MINDY3: variants seen among roughly 807,000 people sequenced by gnomAD.
MINDY3 encodes the protein MINDY lysine 48 deubiquitinase 3.
In MINDY3, 38 loss-of-function variants were observed where a neutral mutation model predicts 69.2. The observed-to-expected ratio is 0.55, with a 90% CI of 0.42 to 0.72. MINDY3 has a LOEUF of 0.72. Ranked by LOEUF, MINDY3 falls within the 30% of genes least tolerant of loss-of-function variation. MINDY3 has a pLI of 0.00. For synonymous variants in MINDY3, 192 were observed against 180.1 expected (o/e 1.07, Z -0.53); for missense variants, 522 against 519.0 (o/e 1.01, Z -0.06).
At chr10:15,794,524 C>T (rs907596489) in intron 11 of MINDY3, among the ~76,000 whole-genome samples, 26 of 152,026 alleles carry the variant, frequency 1.7e-4, no homozygotes, top group African/African-American at 6.0e-4. Context: ...TTTAATAATT[C>T]AGTTTATAGT....
intron 10 of MINDY3, among the ~76,000 whole-genome samples, chr10:15,806,732 A>G (rs924373204): frequency 6.6e-6 from 1 of 152,168 alleles, no homozygotes; most frequent in African/African-American, 2.4e-5. Context: ...GTTTCATCTT[A>G]ATATCCTAGC....
chr10:15,833,661 T>C lies in MINDY3; in HGVS notation c.699A>G (p.Val233=), dbSNP rs150118445. 56 of 1,610,942 alleles carry C rather than the reference T, an allele frequency of 3.5e-5. No individual in the cohort carries two copies. The African/African-American group carries it at 6.9e-4, about 20-fold the overall frequency. Residue 233 remains valine (V), a synonymous_variant, in exon 8 of 15, where the codon GTA becomes GTG. Transcript: ENST00000277632. The part of the protein sequence containing the change: ...LLLTGHAVSN[V]WDGDRECSGM... The stretch of plus-strand genomic sequence containing the variant: ...CTGAGCACTCTCTATCACCATCCCA[T>C]ACATTAGAAACAGCATGTCCCGTCA...
chr10:15,827,289 C>T (rs1564502305), intron 8 of MINDY3, among the ~76,000 whole-genome samples: 1 of 150,862 alleles, frequency 6.6e-6, no homozygotes, highest in Admixed American at 6.6e-5. Context: ...CGCCTGTAAT[C>T]TCAGCACTTT....
intron 11 of MINDY3, among the ~76,000 whole-genome samples, chr10:15,789,616 AT>A: frequency 6.6e-6 from 1 of 152,122 alleles, no homozygotes; most frequent in East Asian, 1.9e-4. Context: ...TGGGTAAAAT[AT>A]TTTTCTACTT....
intron 13 of MINDY3, among the ~76,000 whole-genome samples, chr10:15,786,330 A>G (rs926377273): frequency 1.9e-4 from 29 of 152,180 alleles, no homozygotes; most frequent in African/African-American, 6.7e-4. Flanking sequence ...CCGTATCATT[A>G]TGTGTATAGA....
At chr10:15,823,684 G>C (rs1445704371) in intron 8 of MINDY3, among the ~76,000 whole-genome samples, 1 of 151,966 alleles carries the variant, frequency 6.6e-6, no homozygotes, top group Non-Finnish European at 1.5e-5. Flanking sequence ...CACTGCTCAA[G>C]TACAATGCAA....
In MINDY3 at chr10:15,860,367, T is replaced by C. The variant is rs1835014078; in HGVS notation, c.-68A>G. The stretch of plus-strand genomic sequence containing the variant: ...CCCCGGAACATGGGGAAGGGGCAAC[T>C]CCGGAAACAGCAGCTGCGGGACGGC... On this transcript the variant is annotated 5_prime_UTR_variant, in exon 1 of 15. Transcript: ENST00000277632. The C allele has an allele frequency of 1.7e-6, 2 of 1,156,154 alleles. No homozygotes were observed. Among genetic ancestry groups the C allele is most frequent in the Non-Finnish European group, 2.5e-6 (2 of 788,694 alleles). The allele number at this position is 1,156,154 out of a possible 1,614,324, so 71.6% of individuals were successfully genotyped here.
At chr10:15,786,811 T>C (rs1837006400) in intron 12 of MINDY3, among the ~76,000 whole-genome samples, 163 bp from the exon 13 acceptor site, 1 of 152,170 alleles carries the variant, frequency 6.6e-6, no homozygotes, top group South Asian at 2.1e-4. Flanking sequence ...TGACATCTAA[T>C]TTGCCAAACT....
intron 10 of MINDY3, among the ~76,000 whole-genome samples, chr10:15,813,368 C>A (rs1337589877): frequency 2.0e-5 from 3 of 152,114 alleles, no homozygotes; most frequent in African/African-American, 2.4e-5. Flanking sequence ...AATGCTCTTT[C>A]CCCTCTCTTC....
intron 9 of MINDY3, among the ~76,000 whole-genome samples, chr10:15,820,795 G>A (rs1453931963): frequency 6.6e-6 from 1 of 152,128 alleles, no homozygotes; most frequent in African/African-American, 2.4e-5. Flanking sequence ...CCCCTGCTAT[G>A]GAACCCTGTT....
Position 15,860,487 on chromosome 10 carries a change from C to G in MINDY3, c.-188G>C. On this transcript the variant is annotated 5_prime_UTR_variant, in exon 1 of 15. Coordinates refer to ENST00000277632, the MANE Select transcript of MINDY3 (RefSeq NM_024948.4). The stretch of plus-strand genomic sequence containing the variant: ...CTGTCAAGCCAGGTTGGGGCAGCAG[C>G]GAGTTTTCCGTACCGGAAGTGCTGG... 1.7e-6 allele frequency: 1 copy of G among 602,876 alleles called. No homozygotes were observed. Among genetic ancestry groups the G allele is most frequent in the Non-Finnish European group, 2.9e-6 (1 of 343,016 alleles). The allele number at this position is 602,876 out of a possible 1,614,324, so 37.3% of individuals were successfully genotyped here. A position where few individuals can be genotyped will look rare whatever the true frequency, so the allele number is the denominator to read the frequency against.
At chr10:15,785,663 A>G (rs1377878874) in intron 13 of MINDY3, among the ~76,000 whole-genome samples, 1 of 152,176 alleles carries the variant, frequency 6.6e-6, no homozygotes, top group Non-Finnish European at 1.5e-5. Context: ...AGTAGTCTAC[A>G]TTGTCTACAT....
intron 2 of MINDY3, among the ~76,000 whole-genome samples, chr10:15,844,954 C>T (rs917193379): frequency 2.0e-5 from 3 of 152,172 alleles, no homozygotes; most frequent in African/African-American, 7.2e-5. Flanking sequence ...GACTGCACAT[C>T]TATGCCCATT....
At chr10:15,791,389 CA>C (rs1158795221) in intron 11 of MINDY3, among the ~76,000 whole-genome samples, 2 of 151,888 alleles carry the variant, frequency 1.3e-5, no homozygotes, top group Non-Finnish European at 2.9e-5. Context: ...GATGAAAAGA[CA>C]ACCTCAAAGT....
chr10:15,787,343 G>A (rs377734606), intron 12 of MINDY3, among the ~76,000 whole-genome samples: 1 of 152,226 alleles, frequency 6.6e-6, no homozygotes, highest in South Asian at 2.1e-4. Flanking sequence ...GCAGAAGAAG[G>A]CAGACTGCAG....
At position 15,828,119 on chromosome 10, in the gene MINDY3, T is replaced by C. The variant is rs74126623; in HGVS notation, c.730+5511A>G. Reference sequence around the variant, plus strand: ...GCAAAGAAACACTAAAATATACATCTCATAAAAACTTGTACATGAATGTAC... The same window carrying C: ...GCAAAGAAACACTAAAATATACATCCCATAAAAACTTGTACATGAATGTAC... On this transcript the variant is annotated intron_variant, in intron 8 of 14. Transcript: ENST00000277632. Among the ~76,000 whole-genome samples the C allele has an allele frequency of 5.5e-3, 838 of 152,246 alleles. 5 individuals carry two copies. Among genetic ancestry groups the C allele is most frequent in the African/African-American group, 0.019 (770 of 41,546 alleles).
chr10:15,807,505 T>A (rs1731136722), intron 10 of MINDY3, among the ~76,000 whole-genome samples: 1 of 152,132 alleles, frequency 6.6e-6, no homozygotes, highest in Admixed American at 6.6e-5. Flanking sequence ...GTGGCGGTCA[T>A]CTATTAACCA....
intron 9 of MINDY3, among the ~76,000 whole-genome samples, chr10:15,821,244 C>T (rs1371412441): frequency 2.0e-5 from 3 of 152,144 alleles, no homozygotes; most frequent in Non-Finnish European, 2.9e-5. Flanking sequence ...GTCAGAATTT[C>T]AGGCATCTGG....
intron 12 of MINDY3, among the ~76,000 whole-genome samples, chr10:15,787,456 C>A (rs1837059714): frequency 6.6e-6 from 1 of 152,120 alleles, no homozygotes; most frequent in South Asian, 2.1e-4. Context: ...ACACAACATG[C>A]AAAGTGTTGT....
Sources: gnomAD v4.1 joint callset for allele counts (sites outside exome capture counted in the v4.1 genomes callset) on GRCh38, gnomAD v4.1.1 for gene constraint, MANE v1.5 for transcripts, NCBI Gene and HGNC (gene_info 2026-07-23, HGNC 2026-07-21) for gene names.